Variants in MAP3K20 observed in about 807,000 individuals in gnomAD.
MAP3K20 encodes the protein mitogen-activated protein kinase kinase kinase 20.
MAP3K20 carries 40 observed loss-of-function variants against 85.7 expected under a neutral mutation model. That is an observed-to-expected ratio of 0.47 (90% CI 0.36 to 0.61). The LOEUF (loss-of-function observed/expected upper bound fraction) is 0.61, where lower values mean the gene tolerates loss of function less well. MAP3K20 is among the 20% of genes least tolerant of loss of function. The pLI, the probability that MAP3K20 is intolerant of heterozygous loss-of-function variation, is 0.00. For synonymous variants in MAP3K20, 325 were observed against 327.7 expected, an observed-to-expected ratio of 0.99 and a Z score of 0.09; for missense variants, 817 against 961.7, an observed-to-expected ratio of 0.85 and a Z score of 1.99.
chr2:173,103,941 T>C (rs534691253), intron 2 of MAP3K20, among the ~76,000 whole-genome samples: 206 of 152,344 alleles, frequency 1.4e-3, no homozygotes, highest in African/African-American at 4.8e-3. Context: ...TGAGTATTTA[T>C]TACATGCTAG....
At chr2:173,191,435 G>C (rs1404176395) in intron 7 of MAP3K20, among the ~76,000 whole-genome samples, 1 of 152,200 alleles carries the variant, frequency 6.6e-6, no homozygotes, top group East Asian at 1.9e-4. Context: ...ATCCGAGATA[G>C]TGTTGGGCTC....
At chr2:173,097,611 C>T (rs1687501117) in intron 2 of MAP3K20, among the ~76,000 whole-genome samples, 1 of 152,072 alleles carries the variant, frequency 6.6e-6, no homozygotes, top group African/African-American at 2.4e-5. Flanking sequence ...TTGTAAGACA[C>T]CACTACCCTT....
intron 2 of MAP3K20, among the ~76,000 whole-genome samples, chr2:173,092,852 C>A (rs1055414831): frequency 6.6e-6 from 1 of 152,050 alleles, no homozygotes; most frequent in Non-Finnish European, 1.5e-5. Context: ...AGGAAAATGA[C>A]ATAGGAAAGT....
chr2:173,188,058 C>T (rs188041424), intron 5 of MAP3K20, among the ~76,000 whole-genome samples: 177 of 152,212 alleles, frequency 1.2e-3, no homozygotes, highest in African/African-American at 4.0e-3. Flanking sequence ...ATCTGAATTG[C>T]GTGGTGTGAA....
chr2:173,220,030 T>TG lies in MAP3K20; in HGVS notation c.987+2781dup, dbSNP rs1219201793. 2.3e-5 allele frequency among the ~76,000 whole-genome samples: 3 copies of TG among 132,738 alleles called. No homozygotes were observed. In the Admixed American group the frequency reaches 2.7e-4, roughly 12 times the overall value. 87.1% of individuals were successfully genotyped at this position (132,738 alleles called of 152,430 possible). ...TTGCAGTGAGCTGAGATAGTGCCAC[T>TG]GCACTCCAGCCTGGGCAACAGTGCT... is the stretch of plus-strand genomic sequence containing the variant. On this transcript the variant is annotated intron_variant, in intron 11 of 19. Coordinates refer to ENST00000375213, the MANE Select transcript of MAP3K20 (RefSeq NM_016653.3).
intron 2 of MAP3K20, among the ~76,000 whole-genome samples, chr2:173,156,348 T>C (rs1321437788): frequency 6.6e-6 from 1 of 152,210 alleles, no homozygotes; most frequent in Non-Finnish European, 1.5e-5. Flanking sequence ...AGCCTCAACC[T>C]GGTCAACCGA....
chr2:173,095,797 A>G (rs1687440690), intron 2 of MAP3K20, among the ~76,000 whole-genome samples: 1 of 152,232 alleles, frequency 6.6e-6, no homozygotes, highest in Non-Finnish European at 1.5e-5. Context: ...CTCATTGTAT[A>G]GTGCTAAGTG....
chr2:173,178,048 T>A (rs114018511), intron 3 of MAP3K20, among the ~76,000 whole-genome samples: 2 of 152,226 alleles, frequency 1.3e-5, no homozygotes, highest in South Asian at 2.1e-4. Flanking sequence ...TTTGTTAATC[T>A]TTCCAAAGAC....
chr2:173,224,785 C>T, intron 11 of MAP3K20: 1 of 985,252 alleles, frequency 1.0e-6, no homozygotes, highest in Non-Finnish European at 1.2e-6. Context: ...TAGTGTCCCA[C>T]TCTATCTGTA....
chr2:173,081,603 CTT>C (rs1481663556), intron 1 of MAP3K20, among the ~76,000 whole-genome samples: 1 of 152,108 alleles, frequency 6.6e-6, no homozygotes, highest in East Asian at 1.9e-4. Flanking sequence ...AAAGAGATCT[CTT>C]TGCTTTGGGA....
At chr2:173,116,000 G>T (rs1056612417) in intron 2 of MAP3K20, among the ~76,000 whole-genome samples, 1 of 142,906 alleles carries the variant, frequency 7.0e-6, no homozygotes, top group African/African-American at 2.5e-5. Flanking sequence ...GGCAGAGCAG[G>T]AAAGAGTCTA....
chr2:173,235,618 C>T (rs973277204), intron 14 of MAP3K20, among the ~76,000 whole-genome samples: 7 of 152,152 alleles, frequency 4.6e-5, no homozygotes, highest in African/African-American at 1.7e-4. Flanking sequence ...GTAGAGCCCC[C>T]TTTGGGGGTG....
At chr2:173,075,698 G>A, upstream of MAP3K20, 1 of 937,812 alleles carries the variant, frequency 1.1e-6, no homozygotes, top group Non-Finnish European at 1.2e-6. Context: ...GGCGGGTGCC[G>A]GGGCGCGGGG....
At chr2:173,245,995 T>C (rs1316295136) in intron 16 of MAP3K20, among the ~76,000 whole-genome samples, 1 of 152,236 alleles carries the variant, frequency 6.6e-6, no homozygotes, top group Non-Finnish European at 1.5e-5. Context: ...ACAATCAAAC[T>C]GGCAGAAATT....
At chr2:173,103,952 G>T (rs780264816) in intron 2 of MAP3K20, among the ~76,000 whole-genome samples, 4 of 151,942 alleles carry the variant, frequency 2.6e-5, no homozygotes, top group Non-Finnish European at 5.9e-5. Context: ...TACATGCTAG[G>T]TACTATTCTA....
chr2:173,096,703 A>G (rs1487109953), intron 2 of MAP3K20, among the ~76,000 whole-genome samples: 2 of 152,158 alleles, frequency 1.3e-5, no homozygotes, highest in Non-Finnish European at 2.9e-5. Flanking sequence ...TCCACTCTCA[A>G]TATGTGGCTG....
intron 11 of MAP3K20, chr2:173,226,732 T>A: frequency 2.0e-6 from 2 of 985,812 alleles, no homozygotes; most frequent in Non-Finnish European, 2.4e-6. Context: ...GAATAGTATA[T>A]CTTTTAATGT....
intron 3 of MAP3K20, among the ~76,000 whole-genome samples, chr2:173,174,959 G>C (rs1690111365): frequency 6.6e-6 from 1 of 152,128 alleles, no homozygotes; most frequent in African/African-American, 2.4e-5. Flanking sequence ...TGCTATATTT[G>C]TAGTCATAAC....
At chr2:173,242,167 A>AG (rs1025554463) in intron 16 of MAP3K20, among the ~76,000 whole-genome samples, 1 of 148,536 alleles carries the variant, frequency 6.7e-6, no homozygotes, top group African/African-American at 2.5e-5. Flanking sequence ...ATCTCAACCA[A>AG]GAAAAAAAAA....
Sources: gnomAD v4.1 joint callset for allele counts (sites outside exome capture counted in the v4.1 genomes callset) on GRCh38, gnomAD v4.1.1 for gene constraint, MANE v1.5 for transcripts, NCBI Gene and HGNC (gene_info 2026-07-23, HGNC 2026-07-21) for gene names.